The following NLGN2 variants were observed in gnomAD, a reference collection of about 807,000 sequenced individuals.
NLGN2 encodes neuroligin 2.
NLGN2 carries 11 observed loss-of-function variants against 48.6 expected under a neutral mutation model. The ratio of observed to expected loss-of-function variants is 0.23; its 90% CI spans 0.14 to 0.37. The LOEUF (loss-of-function observed/expected upper bound fraction) is 0.37. Ranked by LOEUF, NLGN2 falls within the 10% of genes least tolerant of loss-of-function variation. The pLI, the probability that NLGN2 is intolerant of heterozygous loss-of-function variation, is 1.00. For missense variants in NLGN2, 801 were observed against 1,225.2 expected, an observed-to-expected ratio of 0.65 and a Z score of 5.17; for synonymous variants, 548 against 550.0, an observed-to-expected ratio of 1.00 and a Z score of 0.05.
upstream of NLGN2, among the ~76,000 whole-genome samples, chr17:7,406,377 A>T (rs1015638150): frequency 7.2e-6 from 1 of 138,704 alleles, no homozygotes; most frequent in Non-Finnish European, 1.6e-5. Context: ...TGTTGTGGGG[A>T]GGGGGAGGGG....
At position 7,408,205 on chromosome 17, in the gene NLGN2, C is replaced by A. The variant is rs1906725990; in HGVS notation, c.-51C>A. The A allele has an allele frequency of 9.5e-7, 1 of 1,047,814 alleles. No homozygotes were observed. Among genetic ancestry groups the A allele is most frequent in the Non-Finnish European group, 1.3e-6 (1 of 797,510 alleles). The allele number at this position is 1,047,814 out of a possible 1,614,324, so 64.9% of individuals were successfully genotyped here. A position where few individuals can be genotyped will look rare whatever the true frequency, so the allele number is the denominator to read the frequency against. On this transcript the variant is annotated 5_prime_UTR_variant, in exon 1 of 7. Transcript: ENST00000302926. The surrounding 1 kb of genome is among the most constrained non-coding windows in gnomAD (Gnocchi z 7.5). ...CCCTCCCTCTCCCCCCCTTCTCTCTCTCTCCGAGGGGGGGGGGTCCCAGGG... is the reference window on the plus strand; with the variant it reads ...CCCTCCCTCTCCCCCCCTTCTCTCTATCTCCGAGGGGGGGGGGTCCCAGGG...
chr17:7,417,827 G>C lies in NLGN2; in HGVS notation c.*28G>C. On this transcript the variant is annotated 3_prime_UTR_variant, in exon 7 of 7. Coordinates refer to ENST00000302926, the MANE Select transcript of NLGN2 (RefSeq NM_020795.4). ...GGTGGGTGGGGAGGCCCTCCTCCCCGGCCCTCCCTGGCCCGGCCACTCCGA... is the reference window on the plus strand; with the variant it reads ...GGTGGGTGGGGAGGCCCTCCTCCCCCGCCCTCCCTGGCCCGGCCACTCCGA... The C allele has an allele frequency of 2.2e-6, 3 of 1,338,118 alleles. No individual in the cohort carries two copies. Among genetic ancestry groups the C allele is most frequent in the Non-Finnish European group, 1.9e-6 (2 of 1,053,846 alleles). 82.9% of individuals were successfully genotyped at this position (1,338,118 alleles called of 1,614,324 possible).
chr17:7,417,610 G>C lies in NLGN2; in HGVS notation c.2319G>C (p.Leu773=). ...PACPPDYTLA[L]RRAPDDVPLL... is the part of the protein sequence containing the mutation. ...GCCCGCCCGACTACACCCTGGCCCT[G>C]CGCCGGGCACCGGACGATGTGCCTC... The change falls in exon 7 of 7, where the codon CTG becomes CTC. Residue 773 remains leucine (L), a synonymous_variant. Transcript: ENST00000302926. The C allele has an allele frequency of 1.4e-6, 2 of 1,421,422 alleles. No homozygotes were observed. Among genetic ancestry groups the C allele is most frequent in the Non-Finnish European group, 1.8e-6 (2 of 1,096,968 alleles). The allele number at this position is 1,421,422 out of a possible 1,614,324, so 88.1% of individuals were successfully genotyped here.
chr17:7,414,775 G>A lies in NLGN2; in HGVS notation c.771G>A (p.Glu257=), dbSNP rs762514274. The part of the protein sequence containing the change: ...ENIAHFGGDP[E]RITIFGSGAG... Reference sequence around the variant, plus strand: ...TCGCCCACTTTGGGGGCGACCCCGAGCGTATCACCATCTTTGGTTCCGGGG... The same window carrying A: ...TCGCCCACTTTGGGGGCGACCCCGAACGTATCACCATCTTTGGTTCCGGGG... The change falls in exon 4 of 7, where the codon GAG becomes GAA. Residue 257 remains glutamate, a synonymous_variant. Transcript: ENST00000302926. The A allele has an allele frequency of 6.2e-7, 1 of 1,614,132 alleles. No individual in the cohort carries two copies. Among genetic ancestry groups the A allele is most frequent in the Non-Finnish European group, 8.5e-7 (1 of 1,180,016 alleles).
rs573303810 is a variant in NLGN2, at chr17:7,411,579, C to T, written c.458-578C>T. ...AGCTGTGGGGCAGGCTGCCCCCCAACCCTGTCCTGCTCGCTGCCCTGCAGA... is the reference window on the plus strand; with the variant it reads ...AGCTGTGGGGCAGGCTGCCCCCCAATCCTGTCCTGCTCGCTGCCCTGCAGA... On this transcript the variant is annotated intron_variant, in intron 1 of 6. Coordinates refer to ENST00000302926, the MANE Select transcript of NLGN2 (RefSeq NM_020795.4). This position sits in a 1 kb window ranked among gnomAD's most constrained non-coding sequence, Gnocchi z 4.5. 6.6e-6 allele frequency among the ~76,000 whole-genome samples: 1 copy of T among 152,312 alleles called. No homozygotes were observed. The highest frequency in any genetic ancestry group is 2.1e-4 in the South Asian group (1 of 4,828).
chr17:7,406,909 G>A (rs1255431671), upstream of NLGN2, among the ~76,000 whole-genome samples: 3 of 152,108 alleles, frequency 2.0e-5, no homozygotes, highest in Admixed American at 1.3e-4. Context: ...ATTGCTGGAG[G>A]GGGGCAGTCA....
chr17:7,419,452 T>C lies in NLGN2; in HGVS notation c.*1653T>C, dbSNP rs1470242277. On this transcript the variant is annotated 3_prime_UTR_variant, in exon 7 of 7. Coordinates refer to ENST00000302926, the MANE Select transcript of NLGN2 (RefSeq NM_020795.4). Reference sequence around the variant, plus strand: ...GTGGGGTGTTAGTGCCAAACTTGAATAGGGGCTGGGGTGCTGTCTTCCACT... The same window carrying C: ...GTGGGGTGTTAGTGCCAAACTTGAACAGGGGCTGGGGTGCTGTCTTCCACT... 5.2e-5 allele frequency: 8 copies of C among 152,700 alleles called. No homozygotes were observed. The highest frequency in any genetic ancestry group is 1.7e-4 in the African/African-American group (7 of 41,420). 9.5% of individuals were successfully genotyped at this position (152,700 alleles called of 1,614,324 possible).
chr17:7,411,901 C>A lies in NLGN2; in HGVS notation c.458-256C>A, dbSNP rs898214619. 4.6e-5 allele frequency among the ~76,000 whole-genome samples: 7 copies of A among 152,176 alleles called. No individual in the cohort carries two copies. Among genetic ancestry groups the A allele is most frequent in the African/African-American group, 7.2e-5 (3 of 41,428 alleles). ...AGCCCACTCAGGCACCCCACCCCCC[C>A]AAAACCAGCCTTTTCTTTGGGGCAT... On this transcript the variant is annotated intron_variant, in intron 1 of 6. Transcript: ENST00000302926. The surrounding 1 kb of genome is among the most constrained non-coding windows in gnomAD (Gnocchi z 4.5).
In NLGN2 at chr17:7,416,007, A is replaced by G; in HGVS notation, c.1534A>G (p.Met512Val). 1 of 1,614,090 alleles carries G rather than the reference A, an allele frequency of 6.2e-7. No homozygotes were observed. The highest frequency in any genetic ancestry group is 8.5e-7 in the Non-Finnish European group (1 of 1,180,010). Residue 512 changes from methionine to valine, a missense_variant, in exon 6 of 7, where the codon ATG (methionine) becomes GTG (valine). Transcript: ENST00000302926. ...DELPYVFGVP[M>V]VGATDLFPCN... Reference sequence around the variant, plus strand: ...ACTGCCCTATGTCTTTGGCGTGCCCATGGTGGGTGCCACCGACCTCTTCCC... The same window carrying G: ...ACTGCCCTATGTCTTTGGCGTGCCCGTGGTGGGTGCCACCGACCTCTTCCC...
In NLGN2 at chr17:7,408,642, G is replaced by T. The variant is rs1183084315; in HGVS notation, c.387G>T (p.Ala129=). ...TGTGGTTCACCGACAACTTGGAGGC[G>T]GCCGCCACCTACGTGCAGAACCAGA... ...LPVWFTDNLE[A]AATYVQNQSE... The change falls in exon 1 of 7, where the codon GCG becomes GCT. Residue 129 remains alanine, a synonymous_variant. Transcript: ENST00000302926. The surrounding 1 kb of genome is among the most constrained non-coding windows in gnomAD (Gnocchi z 7.5). 2.5e-6 allele frequency: 4 copies of T among 1,612,132 alleles called. No individual in the cohort carries two copies. Among genetic ancestry groups the T allele is most frequent in the Non-Finnish European group, 3.4e-6 (4 of 1,179,526 alleles).
At chr17:7,405,604 G>A (rs1031471240), upstream of NLGN2, 8 of 152,418 alleles carry the variant, frequency 5.2e-5, no homozygotes, top group African/African-American at 1.9e-4. The surrounding 1 kb of genome is among the most constrained non-coding windows in gnomAD (Gnocchi z 6.8). Flanking sequence ...CCCCAGGGCT[G>A]AGCCAGGTAG....
Position 7,408,724 on chromosome 17 carries a change from G to C in NLGN2, c.457+12G>C. 6.2e-7 allele frequency: 1 copy of C among 1,612,442 alleles called. No homozygotes were observed. Among genetic ancestry groups the C allele is most frequent in the South Asian group, 1.1e-5 (1 of 91,064 alleles). ...GCCCACCGAGGACGGTAAGGGCGCGGGCACAAAGCCGGGCACCCCGTGGAC... is the reference window on the plus strand; with the variant it reads ...GCCCACCGAGGACGGTAAGGGCGCGCGCACAAAGCCGGGCACCCCGTGGAC... On this transcript the variant is annotated intron_variant, in intron 1 of 6. Coordinates refer to ENST00000302926, the MANE Select transcript of NLGN2 (RefSeq NM_020795.4). This position sits in a 1 kb window ranked among gnomAD's most constrained non-coding sequence, Gnocchi z 7.5.
Position 7,415,709 on chromosome 17 carries a change from C to G in NLGN2, c.1236C>G (p.Asn412Lys), listed in dbSNP as rs144434883. Residue 412 changes from asparagine to lysine, a missense_variant, in exon 6 of 7, where the codon AAC becomes AAG. This residue lies in a region of NLGN2 where 303 missense variants were observed against 600.1 expected (regional missense o/e 0.50). Coordinates refer to ENST00000302926, the MANE Select transcript of NLGN2 (RefSeq NM_020795.4). ...SASAFDFTVSNFVDNLYGYPE... is the reference protein window; with the variant it reads ...SASAFDFTVSKFVDNLYGYPE... Reference sequence around the variant, plus strand: ...GCGCCTTTGACTTCACTGTCTCCAACTTTGTGGACAACCTGTATGGCTACC... The same window carrying G: ...GCGCCTTTGACTTCACTGTCTCCAAGTTTGTGGACAACCTGTATGGCTACC... 10 of 1,614,264 alleles carry G rather than the reference C, an allele frequency of 6.2e-6. No individual in the cohort carries two copies. The highest frequency in any genetic ancestry group is 7.6e-6 in the Non-Finnish European group (9 of 1,180,052).
chr17:7,408,531 G>T lies in NLGN2; in HGVS notation c.276G>T (p.Ser92=). 1 of 1,533,454 alleles carries T rather than the reference G, an allele frequency of 6.5e-7. No homozygotes were observed. The highest frequency in any genetic ancestry group is 8.7e-7 in the Non-Finnish European group (1 of 1,143,522). The allele number at this position is 1,533,454 out of a possible 1,614,324, so 95.0% of individuals were successfully genotyped here. A position where few individuals can be genotyped will look rare whatever the true frequency, so the allele number is the denominator to read the frequency against. The part of the protein sequence containing the change: ...RRFQPPEAPA[S]WPGVRNATTL... ...TCCAGCCGCCTGAGGCGCCCGCCTC[G>T]TGGCCCGGCGTGCGCAACGCCACCA... Residue 92 remains serine (S), a synonymous_variant, in exon 1 of 7, where the codon TCG becomes TCT. Coordinates refer to ENST00000302926, the MANE Select transcript of NLGN2 (RefSeq NM_020795.4). This position sits in a 1 kb window ranked among gnomAD's most constrained non-coding sequence, Gnocchi z 7.5.
At chr17:7,414,308 AC>A (rs756455537) in intron 2 of NLGN2, 35 bp from the exon 3 acceptor site, 258 of 1,455,430 alleles carry the variant, frequency 1.8e-4, no homozygotes, top group Non-Finnish European at 2.2e-4. Context: ...CTTGTCCCTG[AC>A]CCCCTGGCCC....
At chr17:7,412,101 C>G in intron 1 of NLGN2, 56 bp from the exon 2 acceptor site, 1 of 1,261,114 alleles carries the variant, frequency 7.9e-7, no homozygotes, top group Non-Finnish European at 1.2e-6. Flanking sequence ...CCCCCCGACC[C>G]CCATCTTTCC....
intron 2 of NLGN2, 72 bp from the exon 3 acceptor site, chr17:7,414,272 G>A (rs1190693898): frequency 2.1e-5 from 30 of 1,430,820 alleles, no homozygotes; most frequent in Middle Eastern, 4.0e-4. Context: ...GGAGCTGGGC[G>A]CTGCTGCTTC....
chr17:7,411,130 G>C lies in NLGN2; in HGVS notation c.458-1027G>C, dbSNP rs991254673. On this transcript the variant is annotated intron_variant, in intron 1 of 6. Coordinates refer to ENST00000302926, the MANE Select transcript of NLGN2 (RefSeq NM_020795.4). The surrounding 1 kb of genome is among the most constrained non-coding windows in gnomAD (Gnocchi z 4.5). ...GAAGCCCTGACACTGGGCGAACCTG[G>C]TGCTCCCGGTACCTGCTGGCACCTG... Among the ~76,000 whole-genome samples, 1 of 152,238 alleles carries C rather than the reference G, an allele frequency of 6.6e-6. No homozygotes were observed. Among genetic ancestry groups the C allele is most frequent in the African/African-American group, 2.4e-5 (1 of 41,466 alleles).
Position 7,417,593 on chromosome 17 carries a change from G to A in NLGN2, c.2302G>A (p.Asp768Asn), listed in dbSNP as rs768744928. The A allele has an allele frequency of 7.7e-6, 11 of 1,429,764 alleles. No homozygotes were observed. The highest frequency in any genetic ancestry group is 1.5e-5 in the South Asian group (1 of 65,200). 88.6% of individuals were successfully genotyped at this position (1,429,764 alleles called of 1,614,324 possible). ...GGCTCTGCGCCCTGCCTGCCCGCCC[G>A]ACTACACCCTGGCCCTGCGCCGGGC... ...AEALRPACPP[D>N]YTLALRRAPD... The change falls in exon 7 of 7, where the codon GAC becomes AAC. Residue 768 changes from aspartate to asparagine, a missense_variant. By Grantham distance (23) the Asp-to-Asn change is conservative (BLOSUM62 1). This residue lies in a region of NLGN2 where 276 missense variants were observed against 313.9 expected (regional missense o/e 0.88). Coordinates refer to ENST00000302926, the MANE Select transcript of NLGN2 (RefSeq NM_020795.4).
Sources: gnomAD v4.1 joint callset for allele counts (sites outside exome capture counted in the v4.1 genomes callset) on GRCh38, gnomAD v4.1.1 for gene constraint, gnomAD v4.1.1 regional missense constraint, Gnocchi (gnomAD v3.1) non-coding constraint, MANE v1.5 for transcripts, NCBI Gene and HGNC (gene_info 2026-07-23, HGNC 2026-07-21) for gene names.